The following UNC45B variants were observed in gnomAD, a reference collection of about 807,000 sequenced individuals.
The protein encoded by UNC45B is protein unc-45 homolog B.
UNC45B carries 78 observed loss-of-function variants against 98.7 expected under a neutral mutation model. The ratio of observed to expected loss-of-function variants is 0.79; its 90% CI spans 0.66 to 0.95. The LOEUF (loss-of-function observed/expected upper bound fraction) is 0.95. UNC45B is among the 40% of genes least tolerant of loss of function. The probability of loss-of-function intolerance (pLI) is 0.00; values close to 1 mark genes in which losing one functional copy is unlikely to be tolerated. For missense variants in UNC45B, 1,225 were observed against 1,184.9 expected (o/e 1.03, Z -0.50); for synonymous variants, 462 against 480.4 (o/e 0.96, Z 0.50).
In UNC45B at chr17:35,188,467, CTTTTT is replaced by C. The variant is rs5820105; in HGVS notation, c.*1923_*1927del. 11 of 129,744 alleles carry C rather than the reference CTTTTT, an allele frequency of 8.5e-5. No individual in the cohort carries two copies. The highest frequency in any genetic ancestry group is 7.7e-5 in the Admixed American group (1 of 12,912). 8.0% of individuals were successfully genotyped at this position (129,744 alleles called of 1,614,324 possible). On this transcript the variant is annotated 3_prime_UTR_variant, in exon 20 of 20. Coordinates refer to ENST00000394570, the MANE Select transcript of UNC45B (RefSeq NM_001267052.2). ...GTTCATCTTGTTTGGATTGGAGAGA[CTTTTT>C]TTTTTTTTTTTTTTGAGACAGGGTC...
At position 35,159,553 on chromosome 17, in the gene UNC45B, G is replaced by A; in HGVS notation, c.979+8G>A. 6.2e-7 allele frequency: 1 copy of A among 1,611,362 alleles called. No individual in the cohort carries two copies. Among genetic ancestry groups the A allele is most frequent in the Non-Finnish European group, 8.5e-7 (1 of 1,177,888 alleles). On this transcript the variant is annotated splice_region_variant and intron_variant, in intron 8 of 19. Coordinates refer to ENST00000394570, the MANE Select transcript of UNC45B (RefSeq NM_001267052.2). ...TCTATGTGGTGGATAATGGTGAGAA[G>A]AGGGGAAGGTTTGGGGCTTGCTCAA...
chr17:35,150,324 C>A, intron 4 of UNC45B, 101 bp downstream of exon 4: 1 of 1,301,354 alleles, frequency 7.7e-7, no homozygotes, highest in Non-Finnish European at 1.0e-6. Context: ...AGGGCTAGCC[C>A]TACCTCCACA....
Position 35,154,637 on chromosome 17 carries a change from A to G in UNC45B, c.535A>G (p.Asn179Asp), listed in dbSNP as rs77740352. 6.0e-5 allele frequency: 97 copies of G among 1,613,668 alleles called. No homozygotes were observed. In the East Asian group the frequency reaches 2.0e-3, roughly 34 times the overall value. The change falls in exon 6 of 20, where the codon AAT (asparagine) becomes GAT (aspartate). Residue 179 changes from asparagine (N) to aspartate (D), a missense_variant. Asn to Asp is a conservative substitution (Grantham distance 23). Coordinates refer to ENST00000394570, the MANE Select transcript of UNC45B (RefSeq NM_001267052.2). ...EAGAEKIFQN[N>D]GVALLLQLLD... is the part of the protein sequence containing the mutation. ...AGGGGCTGAGAAGATCTTCCAGAAC[A>G]ATGGAGTAGCCTTGCTACTGCAGCT...
chr17:35,184,518 C>T (rs964725), intron 19 of UNC45B, among the ~76,000 whole-genome samples: 24,519 of 152,108 alleles, frequency 0.16, 3,086 homozygotes, highest in African/African-American at 0.32. Context: ...TGTTGCAGGT[C>T]CTCACAGGAC....
At position 35,155,586 on chromosome 17, in the gene UNC45B, C is replaced by CT. The variant is rs954333720; in HGVS notation, c.808+129dup. ...GGTTTTATGTATTTTCTTTTCTTCT[C>CT]TTTTTTTGAGATGGGGTCTTACTCT... On this transcript the variant is annotated intron_variant, in intron 7 of 19. Coordinates refer to ENST00000394570, the MANE Select transcript of UNC45B (RefSeq NM_001267052.2). The CT allele has an allele frequency of 1.9e-5, 20 of 1,080,230 alleles. No homozygotes were observed. The Admixed American group carries it at 2.3e-4, about 13-fold the overall frequency. 66.9% of individuals were successfully genotyped at this position (1,080,230 alleles called of 1,614,324 possible).
chr17:35,159,462 C>T lies in UNC45B; in HGVS notation c.896C>T (p.Ala299Val), dbSNP rs1354715000. ...GTGTCTGGCCAGGGCAGGGATCAGG[C>T]GCTGAACCTGCTCAATAAGAATGTT... ...KKVSGQGRDQ[A>V]LNLLNKNVPR... Residue 299 changes from alanine to valine, a missense_variant, in exon 8 of 20, where the codon GCG becomes GTG. Coordinates refer to ENST00000394570, the MANE Select transcript of UNC45B (RefSeq NM_001267052.2). 18 of 1,613,974 alleles carry T rather than the reference C, an allele frequency of 1.1e-5. No homozygotes were observed. The highest frequency in any genetic ancestry group is 1.4e-5 in the Non-Finnish European group (17 of 1,180,010).
intron 9 of UNC45B, among the ~76,000 whole-genome samples, chr17:35,165,082 T>C (rs922478631): frequency 6.6e-6 from 1 of 152,158 alleles, no homozygotes; most frequent in Non-Finnish European, 1.5e-5. Context: ...CAGGCTGGTA[T>C]TGAACTCCCA....
intron 9 of UNC45B, chr17:35,167,016 AGAT>A (rs780480793): frequency 1.3e-5 from 2 of 152,402 alleles, no homozygotes; most frequent in East Asian, 3.9e-4. Context: ...CCCCTAGAGT[AGAT>A]GATAATAGAT....
In UNC45B at chr17:35,187,014, A is replaced by G. The variant is rs2092308043; in HGVS notation, c.*455A>G. 5.6e-6 allele frequency: 1 copy of G among 179,066 alleles called. No homozygotes were observed. Among genetic ancestry groups the G allele is most frequent in the Admixed American group, 5.3e-5 (1 of 18,718 alleles). The allele number at this position is 179,066 out of a possible 1,614,324, so 11.1% of individuals were successfully genotyped here. A position where few individuals can be genotyped will look rare whatever the true frequency, so the allele number is the denominator to read the frequency against. On this transcript the variant is annotated 3_prime_UTR_variant, in exon 20 of 20. Transcript: ENST00000394570. ...CATGACCTCTCTCCCACACTATTTG[A>G]ATCAGTCTGTTCAGAACTGTGTGTT... is the stretch of plus-strand genomic sequence containing the variant.
intron 13 of UNC45B, among the ~76,000 whole-genome samples, chr17:35,173,981 T>C (rs546395146): frequency 3.4e-4 from 51 of 152,000 alleles, no homozygotes; most frequent in Non-Finnish European, 2.8e-4. Context: ...CTGGCTCATT[T>C]TTTGTATTTT....
rs1179508747 is a variant in UNC45B, at chr17:35,168,157, G to T, written c.1248G>T (p.Leu416=). The change falls in exon 10 of 20, where the codon CTG becomes CTT. Residue 416 remains leucine, a synonymous_variant. Coordinates refer to ENST00000394570, the MANE Select transcript of UNC45B (RefSeq NM_001267052.2). ...GCCCCTTTGACCTGGGCAACCAGCTGCTGGGACTGAAAGGTGTGATGGAGA... is the reference window on the plus strand; with the variant it reads ...GCCCCTTTGACCTGGGCAACCAGCTTCTGGGACTGAAAGGTGTGATGGAGA... The part of the protein sequence containing the change: ...LQGPFDLGNQ[L]LGLKGVMEMM... The T allele has an allele frequency of 1.2e-6, 2 of 1,606,374 alleles. No homozygotes were observed. Among genetic ancestry groups the T allele is most frequent in the Non-Finnish European group, 1.7e-6 (2 of 1,176,054 alleles).
chr17:35,161,405 C>T (rs953823065), intron 8 of UNC45B, among the ~76,000 whole-genome samples: 1 of 152,024 alleles, frequency 6.6e-6, no homozygotes, highest in Non-Finnish European at 1.5e-5. Flanking sequence ...CAAAGATAGA[C>T]AGGAGGAAGG....
In UNC45B at chr17:35,174,286, G is replaced by A; in HGVS notation, c.1875G>A (p.Lys625=). ...ACATGCGGGTGAAGCGGCTTCTGAA[G>A]GCGGGTGTCATCTCTGCCCTGGCTT... ...FIDMRVKRLL[K]AGVISALACM... Residue 625 remains lysine (K), a synonymous_variant, in exon 14 of 20, where the codon AAG becomes AAA. Transcript: ENST00000394570. 2.5e-6 allele frequency: 4 copies of A among 1,614,212 alleles called. No individual in the cohort carries two copies. Among genetic ancestry groups the A allele is most frequent in the South Asian group, 1.1e-5 (1 of 91,084 alleles).
rs185930573 is a variant in UNC45B at position 35,183,546 on chromosome 17, A to T, written c.2493A>T (p.Ala831=). 186 of 1,592,870 alleles carry T rather than the reference A, an allele frequency of 1.2e-4. 2 individuals carry two copies. In the East Asian group the frequency reaches 3.7e-3, roughly 32 times the overall value. ...AAAGALAMLT[A]AHKKLCLKMT... The stretch of plus-strand genomic sequence containing the variant: ...CAGGGGCTCTGGCCATGCTGACAGC[A>T]GCACACAAGAAACTGTGCCTCAAGA... The change falls in exon 19 of 20, where the codon GCA becomes GCT. Residue 831 remains alanine (A), a synonymous_variant. Transcript: ENST00000394570.
chr17:35,169,410 A>C (rs527550736), intron 10 of UNC45B, among the ~76,000 whole-genome samples: 1 of 152,254 alleles, frequency 6.6e-6, no homozygotes, highest in South Asian at 2.1e-4. Context: ...CGCCCCCCTA[A>C]GAAAAGTCCA....
At chr17:35,172,500 C>T (rs963276235) in intron 13 of UNC45B, among the ~76,000 whole-genome samples, 10 of 152,194 alleles carry the variant, frequency 6.6e-5, no homozygotes, top group Admixed American at 5.2e-4. Flanking sequence ...CCACCCACCT[C>T]GGCCTCCTAA....
At chr17:35,162,930 C>T (rs2092111773) in intron 8 of UNC45B, among the ~76,000 whole-genome samples, 1 of 152,156 alleles carries the variant, frequency 6.6e-6, no homozygotes, top group Admixed American at 6.5e-5. Context: ...TAAAACCTGG[C>T]TCCGAAATCC....
intron 8 of UNC45B, among the ~76,000 whole-genome samples, chr17:35,163,196 G>A (rs2092113624): frequency 6.6e-6 from 1 of 152,228 alleles, no homozygotes; most frequent in Non-Finnish European, 1.5e-5. Context: ...TAAGTGCTCA[G>A]AATAAATTGC....
intron 9 of UNC45B, chr17:35,164,506 T>C (rs999965224): frequency 2.8e-5 from 5 of 178,436 alleles, no homozygotes; most frequent in Non-Finnish European, 4.7e-5. Flanking sequence ...TGAAGCGTCT[T>C]CACTGCATGC....
Sources: gnomAD v4.1 joint callset for allele counts (sites outside exome capture counted in the v4.1 genomes callset) on GRCh38, gnomAD v4.1.1 for gene constraint, MANE v1.5 for transcripts, NCBI Gene and HGNC (gene_info 2026-07-23, HGNC 2026-07-21) for gene names.